Variants in ASTN2 observed in about 807,000 individuals in gnomAD.
ASTN2 encodes astrotactin 2, also known as astrotactin-2.
Under a neutral mutation model 139.8 loss-of-function variants are expected in ASTN2, and 54 were observed. That is an observed-to-expected ratio of 0.39 (90% confidence interval 0.31 to 0.48). The LOEUF is 0.48. Ranked by LOEUF, ASTN2 falls within the 20% of genes least tolerant of loss-of-function variation. ASTN2 has a pLI of 0.95. For missense variants in ASTN2, 1,565 were observed against 1,725.1 expected (o/e 0.91, Z 1.64); for synonymous variants, 756 against 719.5 (o/e 1.05, Z -0.81).
At chr9:117,319,593 ATTT>A (rs3041177) in intron 1 of ASTN2, among the ~76,000 whole-genome samples, 2,455 of 143,382 alleles carry the variant, frequency 0.017, 62 homozygotes, top group African/African-American at 0.057. Context: ...ATGCCCAGCA[ATTT>A]TTTTTTTTTT....
chr9:116,588,294 T>TATTGAAAGAC (rs1854241282), intron 19 of ASTN2, among the ~76,000 whole-genome samples: 1 of 152,254 alleles, frequency 6.6e-6, no homozygotes, highest in Non-Finnish European at 1.5e-5. Context: ...TCTGACCTTC[T>TATTGAAAGAC]ATTGAAAGAC....
At chr9:117,056,103 T>G (rs1395157763) in intron 5 of ASTN2, among the ~76,000 whole-genome samples, 1 of 152,194 alleles carries the variant, frequency 6.6e-6, no homozygotes, top group Non-Finnish European at 1.5e-5. Flanking sequence ...CCCTCCCCAG[T>G]TGAAGCTTGA....
intron 5 of ASTN2, among the ~76,000 whole-genome samples, chr9:117,046,848 A>C (rs1838760288): frequency 6.6e-6 from 1 of 152,192 alleles, no homozygotes; most frequent in African/African-American, 2.4e-5. Flanking sequence ...TGAATGAGTG[A>C]ATGCTTAAAT....
intron 3 of ASTN2, among the ~76,000 whole-genome samples, chr9:117,145,376 G>C (rs1251361538): frequency 6.6e-6 from 1 of 152,190 alleles, no homozygotes; most frequent in African/African-American, 2.4e-5. Flanking sequence ...TACACTCCCA[G>C]ATCCACCCTT....
chr9:117,396,249 T>C (rs1181001630), intron 1 of ASTN2, among the ~76,000 whole-genome samples: 1 of 152,150 alleles, frequency 6.6e-6, no homozygotes, highest in Non-Finnish European at 1.5e-5. Flanking sequence ...CAACCTGAAA[T>C]GTATATATTT....
chr9:116,807,137 CA>C (rs1232629575), intron 12 of ASTN2, among the ~76,000 whole-genome samples: 22 of 152,294 alleles, frequency 1.4e-4, no homozygotes, highest in Middle Eastern at 3.4e-3. Context: ...AAGTAAACAG[CA>C]GGCAATCTCT....
intron 4 of ASTN2, among the ~76,000 whole-genome samples, chr9:117,101,052 T>A (rs1465852878): frequency 6.6e-6 from 1 of 152,230 alleles, no homozygotes; most frequent in Non-Finnish European, 1.5e-5. Flanking sequence ...GTATGCTGCA[T>A]GTAAACATTC....
chr9:116,865,796 C>T (rs1282422416), intron 10 of ASTN2, among the ~76,000 whole-genome samples: 1 of 152,186 alleles, frequency 6.6e-6, no homozygotes, highest in Non-Finnish European at 1.5e-5. Flanking sequence ...CATGCTCTTC[C>T]TTCTGCCTGG....
At chr9:117,229,988 A>G (rs6478296) in intron 2 of ASTN2, among the ~76,000 whole-genome samples, 54,002 of 151,756 alleles carry the variant, frequency 0.36, 10,286 homozygotes, top group Middle Eastern at 0.46. Flanking sequence ...ATTGAGAAAC[A>G]TAGTGAAACC....
chr9:116,428,293 A>T (rs1253255050), intron 22 of ASTN2, among the ~76,000 whole-genome samples: 1 of 152,212 alleles, frequency 6.6e-6, no homozygotes, highest in Non-Finnish European at 1.5e-5. Context: ...TAGGAGGCCA[A>T]GGCGGGTGGA....
intron 7 of ASTN2, among the ~76,000 whole-genome samples, chr9:117,002,888 A>G (rs1351539240): frequency 6.6e-6 from 1 of 152,206 alleles, no homozygotes; most frequent in Non-Finnish European, 1.5e-5. Context: ...AGGCTATGAC[A>G]GTAGGTGGGA....
intron 13 of ASTN2, among the ~76,000 whole-genome samples, chr9:116,779,325 G>C (rs1289620039): frequency 1.3e-5 from 2 of 152,090 alleles, no homozygotes; most frequent in Admixed American, 6.6e-5. Flanking sequence ...CTTTTGCCAG[G>C]TGAGGACACA....
intron 20 of ASTN2, 109 bp downstream of exon 20, chr9:116,487,250 T>A: frequency 2.9e-6 from 4 of 1,357,582 alleles, no homozygotes; most frequent in Non-Finnish European, 3.0e-6. Context: ...ACATACAGGC[T>A]AGCTAATAAA....
At position 117,016,610 on chromosome 9, in the gene ASTN2, CTATATCTATCTATCTATATA is replaced by C. The variant is rs1173456069; in HGVS notation, c.1424-8371_1424-8352del. On this transcript the variant is annotated intron_variant, in intron 6 of 22. Transcript: ENST00000313400. ...CTAGGTTTTATATATATATCTATAT[CTATATCTATCTATCTATATA>C]TATATATATATATATATATATATAT... Among the ~76,000 whole-genome samples, 23 of 22,404 alleles carry C rather than the reference CTATATCTATCTATCTATATA, an allele frequency of 1.0e-3. 1 individual carries two copies. The highest frequency in any genetic ancestry group is 2.8e-3 in the African/African-American group (19 of 6,758). The allele number at this position is 22,404 out of a possible 152,430, so 14.7% of individuals were successfully genotyped here.
At chr9:116,819,241 A>G (rs930152063) in intron 12 of ASTN2, among the ~76,000 whole-genome samples, 4 of 152,324 alleles carry the variant, frequency 2.6e-5, no homozygotes, top group Non-Finnish European at 5.9e-5. Flanking sequence ...CACAGAGAGA[A>G]AAATAACAAT....
rs189712897 is a variant in ASTN2, at chr9:116,610,066, A to G, written c.3355+8258T>C. Among the ~76,000 whole-genome samples the G allele has an allele frequency of 6.6e-3, 1,002 of 152,290 alleles. 6 individuals carry two copies. The highest frequency in any genetic ancestry group is 0.012 in the Non-Finnish European group (786 of 68,010). ...TAAAAGATGGGATAATATTTAAAAA[A>G]AGAAAGATGATAACCTTAAACCTAA... On this transcript the variant is annotated intron_variant, in intron 19 of 22. Transcript: ENST00000313400.
At chr9:116,805,890 C>G (rs1831017700) in intron 12 of ASTN2, 70 bp from the exon 13 acceptor site, 1 of 1,490,910 alleles carries the variant, frequency 6.7e-7, no homozygotes. Flanking sequence ...GACCTAAAAC[C>G]AAGGCCTCCT....
intron 7 of ASTN2, among the ~76,000 whole-genome samples, chr9:116,986,946 C>A (rs886952215): frequency 1.3e-5 from 2 of 152,214 alleles, no homozygotes; most frequent in African/African-American, 4.8e-5. Flanking sequence ...ATACTGCAGG[C>A]ACAGCCAGAA....
chr9:116,605,401 GA>G (rs1855140048), intron 19 of ASTN2, among the ~76,000 whole-genome samples: 1 of 151,902 alleles, frequency 6.6e-6, no homozygotes, highest in Non-Finnish European at 1.5e-5. Flanking sequence ...ATCCCATGAA[GA>G]AAAAGAGAAG....
Sources: gnomAD v4.1 joint callset for allele counts (sites outside exome capture counted in the v4.1 genomes callset) on GRCh38, gnomAD v4.1.1 for gene constraint, MANE v1.5 for transcripts, NCBI Gene and HGNC (gene_info 2026-07-23, HGNC 2026-07-21) for gene names.